The following ZNF37A variants were observed in gnomAD, a reference collection of about 807,000 sequenced individuals.
ZNF37A encodes zinc finger protein 37a (KOX 21).
A neutral mutation model predicts 12.3 loss-of-function variants in ZNF37A; 10 were observed. The observed-to-expected ratio is 0.82, with a 90% CI of 0.50 to 1.38. ZNF37A has a LOEUF of 1.38. Ranked by LOEUF, ZNF37A falls within the 40% of genes most tolerant of loss-of-function variation. The probability of loss-of-function intolerance (pLI) is 0.00; values close to 1 mark genes in which losing one functional copy is unlikely to be tolerated. For missense variants in ZNF37A, 580 were observed against 651.2 expected (o/e 0.89, Z 1.19); for synonymous variants, 207 against 223.0 (o/e 0.93, Z 0.64).
chr10:38,126,180 G>A (rs1236983147), downstream of ZNF37A, among the ~76,000 whole-genome samples: 1 of 152,176 alleles, frequency 6.6e-6, no homozygotes, highest in Non-Finnish European at 1.5e-5. Context: ...TGTCATCTGA[G>A]TTTCTTTCTC....
In ZNF37A at chr10:38,137,110, C is replaced by A. The variant is rs146540669; in HGVS notation, c.239-9622C>A. On this transcript the variant is annotated intron_variant, in intron 7 of 7. Coordinates refer to the ZNF37A transcript ENST00000638053. ...CAGTTGTTTAAAAGTCTTTTTCTAG[C>A]AGTAAGTCTGACATACTCATCCAGG... 1.5e-3 allele frequency among the ~76,000 whole-genome samples: 235 copies of A among 152,272 alleles called. 5 individuals carry two copies. In the East Asian group the frequency reaches 0.043, roughly 28 times the overall value.
At chr10:38,129,304 T>TGAAAAAAAAAAAAAAAAAA (rs1472360432), downstream of ZNF37A, among the ~76,000 whole-genome samples, 1 of 56,900 alleles carries the variant, frequency 1.8e-5, no homozygotes, top group African/African-American at 7.6e-5. Context: ...AGACTCTGTC[T>TGAAAAAAAAAAAAAAAAAA]AAAAAAAAAA....
rs118147298 is a variant in ZNF37A at position 38,119,051 on chromosome 10, T to C, written c.*214T>C. ...CAAAACTAAAAGTGGAAAAAACTTA[T>C]TGGTGAATGAATATAGGAAACATTT... is the stretch of plus-strand genomic sequence containing the variant. On this transcript the variant is annotated 3_prime_UTR_variant, in exon 8 of 8. Transcript: ENST00000685332. The C allele has an allele frequency of 2.7e-3, 3,378 of 1,246,550 alleles. 87 individuals are homozygous for C. The East Asian group carries it at 0.054, about 20-fold the overall frequency. The allele number at this position is 1,246,550 out of a possible 1,614,324, so 77.2% of individuals were successfully genotyped here. A position where few individuals can be genotyped will look rare whatever the true frequency, so the allele number is the denominator to read the frequency against.
At position 38,102,752 on chromosome 10, in the gene ZNF37A, TTC is replaced by T. The variant is rs1464486690; in HGVS notation, c.15+6125_15+6126del. 2.0e-5 allele frequency among the ~76,000 whole-genome samples: 3 copies of T among 152,252 alleles called. No homozygotes were observed. The East Asian group carries it at 5.8e-4, about 29-fold the overall frequency. On this transcript the variant is annotated intron_variant, in intron 5 of 7. Transcript: ENST00000685332. The stretch of plus-strand genomic sequence containing the variant: ...GTAGGACAGGTCTAGTACTAACACA[TTC>T]TCTCAGATTCTGTTGATCTAGGAAT...
At chr10:38,112,543 C>G (rs2135979425) in intron 5 of ZNF37A, among the ~76,000 whole-genome samples, 1 of 151,152 alleles carries the variant, frequency 6.6e-6, no homozygotes, top group Admixed American at 6.6e-5. Flanking sequence ...CCTCATTTCC[C>G]TCCAAAAAAG....
rs746471571 is a variant in ZNF37A, at chr10:38,118,033, A to C, written c.882A>C (p.Thr294=). 6.2e-7 allele frequency: 1 copy of C among 1,613,866 alleles called. No homozygotes were observed. The highest frequency in any genetic ancestry group is 8.5e-7 in the Non-Finnish European group (1 of 1,179,974). ...SAHTRHQRTH[T]GGKPYECHEC... ...ACACAAGACATCAGAGAACACACAC[A>C]GGGGGAAAACCCTATGAATGTCATG... Residue 294 remains threonine (T), a synonymous_variant, in exon 8 of 8, where the codon ACA becomes ACC. Transcript: ENST00000685332.
chr10:38,103,089 T>C (rs1287710872), intron 5 of ZNF37A, among the ~76,000 whole-genome samples: 1 of 152,106 alleles, frequency 6.6e-6, no homozygotes, highest in Non-Finnish European at 1.5e-5. Flanking sequence ...TTTCATCAAT[T>C]TGGAAGGTCT....
intron 4 of ZNF37A, among the ~76,000 whole-genome samples, chr10:38,096,119 C>T (rs1156306635): frequency 6.6e-6 from 1 of 152,088 alleles, no homozygotes; most frequent in African/African-American, 2.4e-5. Flanking sequence ...CGAGATCATG[C>T]CATCGCACTC....
intron 7 of ZNF37A, among the ~76,000 whole-genome samples, chr10:38,132,402 C>A (rs936095728): frequency 6.6e-6 from 1 of 152,002 alleles, no homozygotes; most frequent in African/African-American, 2.4e-5. Flanking sequence ...ATATGTATTG[C>A]ATTAGTTGAT....
In ZNF37A at chr10:38,116,592, C is replaced by A. The variant is rs118024613; in HGVS notation, c.239-798C>A. On this transcript the variant is annotated intron_variant, in intron 7 of 7. Coordinates refer to ENST00000685332, the MANE Select transcript of ZNF37A (RefSeq NM_001324250.3). ...AGAATGGCTTGGTTCTAATCTGAATCTAAATGTAAAGATATGTTTACTTCA... is the reference window on the plus strand; with the variant it reads ...AGAATGGCTTGGTTCTAATCTGAATATAAATGTAAAGATATGTTTACTTCA... 3.5e-3 allele frequency among the ~76,000 whole-genome samples: 539 copies of A among 152,108 alleles called. 10 individuals are homozygous for A. In the South Asian group the frequency reaches 0.05, roughly 14 times the overall value.
At chr10:38,115,921 C>T (rs1271014645) in intron 7 of ZNF37A, among the ~76,000 whole-genome samples, 2 of 151,768 alleles carry the variant, frequency 1.3e-5, no homozygotes, top group Non-Finnish European at 2.9e-5. Flanking sequence ...TGGTGGCACA[C>T]ACCTGTGGTC....
intron 5 of ZNF37A, among the ~76,000 whole-genome samples, chr10:38,105,113 C>T (rs751217141): frequency 6.6e-6 from 1 of 151,410 alleles, no homozygotes; most frequent in Admixed American, 6.6e-5. Flanking sequence ...TCAAGTGATT[C>T]TCCTACCTCA....
At chr10:38,105,723 A>C (rs1229321364) in intron 5 of ZNF37A, among the ~76,000 whole-genome samples, 1 of 152,200 alleles carries the variant, frequency 6.6e-6, no homozygotes, top group Non-Finnish European at 1.5e-5. Context: ...ATACATTCAG[A>C]CCATAGCACT....
chr10:38,110,393 A>T (rs543853045), intron 5 of ZNF37A, among the ~76,000 whole-genome samples: 13 of 152,298 alleles, frequency 8.5e-5, no homozygotes, highest in African/African-American at 3.1e-4. Flanking sequence ...CTAGAGGAAA[A>T]CCTAGGCAAT....
At chr10:38,135,761 C>T (rs553527103) in intron 7 of ZNF37A, among the ~76,000 whole-genome samples, 2 of 152,118 alleles carry the variant, frequency 1.3e-5, no homozygotes, top group Non-Finnish European at 2.9e-5. Context: ...TGACATCCAG[C>T]AGGGGAAATG....
rs1298055326 is a variant in ZNF37A, at chr10:38,118,130, T to C, written c.979T>C (p.Tyr327His). The change falls in exon 8 of 8, where the codon TAT becomes CAT. Residue 327 changes from tyrosine to histidine, a missense_variant. Physicochemically the swap from Tyr to His is moderately conservative, Grantham distance 83 (BLOSUM62 2). Coordinates refer to ENST00000685332, the MANE Select transcript of ZNF37A (RefSeq NM_001324250.3). ...HQRIHTGERP[Y>H]GCHECGKSFS... is the part of the protein sequence containing the mutation. ...AAGAATTCATACAGGGGAGAGACCT[T>C]ATGGATGTCATGAATGTGGGAAATC... is the stretch of plus-strand genomic sequence containing the variant. 1 of 1,613,936 alleles carries C rather than the reference T, an allele frequency of 6.2e-7. No homozygotes were observed. The highest frequency in any genetic ancestry group is 1.7e-5 in the Admixed American group (1 of 59,972).
chr10:38,138,590 T>C (rs1286374127), intron 7 of ZNF37A: 3 of 152,176 alleles, frequency 2.0e-5, no homozygotes, highest in African/African-American at 2.4e-5. Flanking sequence ...GAATACTTAG[T>C]GAGGTCTAAA....
intron 7 of ZNF37A, chr10:38,117,097 A>G: frequency 2.4e-6 from 2 of 818,792 alleles, no homozygotes; most frequent in Non-Finnish European, 3.0e-6. Context: ...TGACAGAGCA[A>G]GACTCTGTCT....
chr10:38,112,773 T>TCTTGTCTTGTCTTG (rs1564932263), intron 5 of ZNF37A, among the ~76,000 whole-genome samples: 1 of 65,634 alleles, frequency 1.5e-5, no homozygotes, highest in Non-Finnish European at 3.3e-5. Context: ...TTCTTTTCTT[T>TCTTGTCTTGTCTTG]TCTTTTCTTT....
Sources: allele counts gnomAD v4.1 joint callset (sites outside exome capture counted in the v4.1 genomes callset), GRCh38; gene constraint gnomAD v4.1.1; transcripts MANE v1.5; gene names NCBI Gene and HGNC (gene_info 2026-07-23, HGNC 2026-07-21).